HECTD4: variants seen among roughly 807,000 people sequenced by gnomAD.
The protein encoded by HECTD4 is HECT domain E3 ubiquitin protein ligase 4, also known as probable E3 ubiquitin-protein ligase HECTD4.
A neutral mutation model predicts 471.5 loss-of-function variants in HECTD4; 114 were observed. The observed-to-expected ratio is 0.24, with a 90% CI of 0.21 to 0.28. The LOEUF is 0.28. Among genes scored for constraint, HECTD4 ranks in the 10% least tolerant of loss-of-function variants. HECTD4 has a pLI of 1.00. For missense variants in HECTD4, 3,866 were observed against 5,651.5 expected, an observed-to-expected ratio of 0.68 and a Z score of 10.13; for synonymous variants, 2,012 against 2,256.0, an observed-to-expected ratio of 0.89 and a Z score of 3.07.
chr12:112,338,561 A>G (rs1594057184), intron 1 of HECTD4, among the ~76,000 whole-genome samples: 1 of 152,284 alleles, frequency 6.6e-6, no homozygotes, highest in Non-Finnish European at 1.5e-5. Flanking sequence ...CGCAGGTTGG[A>G]GTGAGCCAAG....
intron 66 of HECTD4, 24 bp downstream of exon 66, chr12:112,175,712 T>G: frequency 6.2e-7 from 1 of 1,607,936 alleles, no homozygotes; most frequent in South Asian, 1.1e-5. Context: ...AGGTGCCAAC[T>G]GAGTCGAGGG....
intron 1 of HECTD4, chr12:112,322,925 C>CA (rs1181005938): frequency 1.3e-5 from 2 of 159,166 alleles, no homozygotes; most frequent in African/African-American, 4.8e-5. Flanking sequence ...GGAGAACGAA[C>CA]AGAAGCTTTT....
chr12:112,309,711 T>C (rs1052766872), intron 4 of HECTD4, 42 bp from the exon 5 acceptor site: 1 of 916,266 alleles, frequency 1.1e-6, no homozygotes, highest in African/African-American at 1.7e-5. Context: ...ATATGTTTTT[T>C]CTATTGAAAT....
At chr12:112,286,709 A>C (rs532208546) in intron 7 of HECTD4, among the ~76,000 whole-genome samples, 15 of 152,242 alleles carry the variant, frequency 9.9e-5, no homozygotes, top group African/African-American at 3.4e-4. Flanking sequence ...CCCACCAAAA[A>C]AAAAGGTAAA....
At position 112,212,551 on chromosome 12, in the gene HECTD4, C is replaced by A. The variant is rs1206631780; in HGVS notation, c.7565G>T (p.Arg2522Leu). 6.2e-6 allele frequency: 10 copies of A among 1,613,814 alleles called. No homozygotes were observed. The highest frequency in any genetic ancestry group is 8.5e-6 in the Non-Finnish European group (10 of 1,179,762). Residue 2522 changes from arginine to leucine, a missense_variant, in exon 49 of 76, where the codon CGC (arginine) becomes CTC (leucine). Arg to Leu is a moderately radical substitution (Grantham distance 102, BLOSUM62 -2). Coordinates refer to ENST00000682272, the MANE Select transcript of HECTD4 (RefSeq NM_001388303.1). ...GRVYFTYCGQRLSPYLEDVSG... is the reference protein window; with the variant it reads ...GRVYFTYCGQLLSPYLEDVSG... ...GACGTCTTCAAGATATGGTGAGAGG[C>A]GCTGCCCGCAGTATGTGAAGTACAC...
chr12:112,175,621 TAACTC>T, intron 66 of HECTD4, 110 bp downstream of exon 66: 1 of 1,260,766 alleles, frequency 7.9e-7, no homozygotes, highest in Non-Finnish European at 1.1e-6. Flanking sequence ...AATTACGAAA[TAACTC>T]AGAAAGCATT....
At chr12:112,226,613 C>A in intron 44 of HECTD4, 30 bp downstream of exon 44, 1 of 1,417,436 alleles carries the variant, frequency 7.1e-7, no homozygotes, top group Non-Finnish European at 9.8e-7. Flanking sequence ...TTCAATAAAA[C>A]AGGGTGGTAA....
At position 112,164,126 on chromosome 12, in the gene HECTD4, G is replaced by A. The variant is rs769528882; in HGVS notation, c.12684C>T (p.Gly4228=). The A allele has an allele frequency of 1.2e-6, 2 of 1,603,586 alleles. No individual in the cohort carries two copies. Among genetic ancestry groups the A allele is most frequent in the South Asian group, 1.1e-5 (1 of 90,104 alleles). The change falls in exon 73 of 76, where the codon GGC becomes GGT. Residue 4228 remains glycine, a synonymous_variant. Transcript: ENST00000682272. The part of the protein sequence containing the change: ...TGEEVELCSR[G]RHILVAWENK... ...ACACTCACGCCACAAGGATGTGCCG[G>A]CCCCGGCTGCACAGCTCCACCTCCT...
At chr12:112,209,675 A>T (rs1037683385) in intron 50 of HECTD4, among the ~76,000 whole-genome samples, 7 of 152,180 alleles carry the variant, frequency 4.6e-5, no homozygotes, top group African/African-American at 1.7e-4. Context: ...CTAGCATTTT[A>T]TTATTCTGTG....
At chr12:112,350,527 T>G (rs548348956) in intron 1 of HECTD4, among the ~76,000 whole-genome samples, 14 of 152,310 alleles carry the variant, frequency 9.2e-5, no homozygotes. Flanking sequence ...ATTAAGGATA[T>G]GTACTAACGC....
chr12:112,279,411 A>G (rs2034589045), intron 8 of HECTD4, 25 bp from the exon 9 acceptor site: 1 of 1,567,272 alleles, frequency 6.4e-7, no homozygotes, highest in Non-Finnish European at 8.6e-7. Context: ...GAAAATGCTA[A>G]ATCAAAATAT....
chr12:112,367,011 C>T (rs1020835859), intron 1 of HECTD4, among the ~76,000 whole-genome samples: 1 of 150,454 alleles, frequency 6.6e-6, no homozygotes, highest in Non-Finnish European at 1.5e-5. Flanking sequence ...GGAGAAAATG[C>T]TAAATTTTGG....
rs770007127 is a variant in HECTD4, at chr12:112,163,192, T to A, written c.12970A>T (p.Met4324Leu). 1 of 1,613,918 alleles carries A rather than the reference T, an allele frequency of 6.2e-7. No individual in the cohort carries two copies. Among genetic ancestry groups the A allele is most frequent in the Non-Finnish European group, 8.5e-7 (1 of 1,179,848 alleles). ...TTGCACAGCTCCTCCTGGGTGAACA[T>A]CTCCAGGGCCCCCCAGAAGAACTCG... ...HIEFFWGALEMFTQEELCKFI... is the reference protein window; with the variant it reads ...HIEFFWGALELFTQEELCKFI... Residue 4324 changes from methionine to leucine, a missense_variant, in exon 75 of 76, where the codon ATG (methionine) becomes TTG (leucine). This residue lies in a region of HECTD4 where 715 missense variants were observed against 1,087.6 expected (regional missense o/e 0.66). Coordinates refer to ENST00000682272, the MANE Select transcript of HECTD4 (RefSeq NM_001388303.1). This position sits in a 1 kb window ranked among gnomAD's most constrained non-coding sequence, Gnocchi z 8.2.
At chr12:112,323,772 T>C (rs1037099343) in intron 1 of HECTD4, among the ~76,000 whole-genome samples, 3 of 151,476 alleles carry the variant, frequency 2.0e-5, no homozygotes, top group Non-Finnish European at 4.4e-5. Flanking sequence ...TTAAAATTCA[T>C]AGAACTACAC....
chr12:112,366,512 G>A (rs1023748650), intron 1 of HECTD4, among the ~76,000 whole-genome samples: 2 of 151,762 alleles, frequency 1.3e-5, no homozygotes, highest in Non-Finnish European at 2.9e-5. Context: ...AAGTGAGACC[G>A]TGTCTCTTAA....
At position 112,228,804 on chromosome 12, in the gene HECTD4, C is replaced by T; in HGVS notation, c.6527G>A (p.Gly2176Asp). The change falls in exon 42 of 76, where the codon GGT becomes GAT. Residue 2176 changes from glycine to aspartate, a missense_variant. Physicochemically the swap from Gly to Asp is moderately conservative, Grantham distance 94 (BLOSUM62 -1). This residue lies in a region of HECTD4 where 617 missense variants were observed against 915.1 expected (regional missense o/e 0.67). Coordinates refer to ENST00000682272, the MANE Select transcript of HECTD4 (RefSeq NM_001388303.1). The surrounding 1 kb of genome is among the most constrained non-coding windows in gnomAD (Gnocchi z 4.9). ...IKIGSEVQVL[G>D]RGISGSIGVV... is the part of the protein sequence containing the mutation. ...TCCAATGCTTCCTGAAATTCCTCTA[C>T]CTAAAACCTGGAGACAGACATAGAT... 1 of 1,613,748 alleles carries T rather than the reference C, an allele frequency of 6.2e-7. No individual in the cohort carries two copies. Among genetic ancestry groups the T allele is most frequent in the Non-Finnish European group, 8.5e-7 (1 of 1,179,838 alleles).
At position 112,382,181 on chromosome 12, in the gene HECTD4, G is replaced by T. The variant is rs1232300691; in HGVS notation, c.-53C>A. 4 of 1,200,318 alleles carry T rather than the reference G, an allele frequency of 3.3e-6. No individual in the cohort carries two copies. The African/African-American group carries it at 4.8e-5, about 14-fold the overall frequency. 74.4% of individuals were successfully genotyped at this position (1,200,318 alleles called of 1,614,324 possible). On this transcript the variant is annotated 5_prime_UTR_variant, in exon 1 of 76. Coordinates refer to ENST00000682272, the MANE Select transcript of HECTD4 (RefSeq NM_001388303.1). The stretch of plus-strand genomic sequence containing the variant: ...GAGCAGACGCCCGGCCGGGGGAAAC[G>T]GAGCAGGAGCCGCCGCGATCACCAG...
At chr12:112,221,714 AGGCAACATAGGGAGAC>A (rs2033099726) in intron 44 of HECTD4, among the ~76,000 whole-genome samples, 1 of 151,562 alleles carries the variant, frequency 6.6e-6, no homozygotes, top group Admixed American at 6.6e-5. Context: ...TTGAGCCCAG[AGGCAACATAGGGAGAC>A]GCTGTCTCTT....
intron 48 of HECTD4, among the ~76,000 whole-genome samples, chr12:112,215,776 A>G (rs1211026818): frequency 6.6e-6 from 1 of 152,134 alleles, no homozygotes; most frequent in Non-Finnish European, 1.5e-5. Flanking sequence ...AGTAGCTGGG[A>G]CCACAGGCAT....
Sources: gnomAD v4.1 joint callset for allele counts (sites outside exome capture counted in the v4.1 genomes callset) on GRCh38, gnomAD v4.1.1 for gene constraint, gnomAD v4.1.1 regional missense constraint, Gnocchi (gnomAD v3.1) non-coding constraint, MANE v1.5 for transcripts, NCBI Gene and HGNC (gene_info 2026-07-23, HGNC 2026-07-21) for gene names.